The following NEO1 variants were observed in gnomAD, a reference collection of about 807,000 sequenced individuals.
NEO1 encodes the protein neogenin.
A neutral mutation model predicts 159.7 loss-of-function variants in NEO1; 63 were observed. The observed-to-expected ratio is 0.39, with a 90% CI of 0.32 to 0.49. The LOEUF (loss-of-function observed/expected upper bound fraction) is 0.49. NEO1 is among the 20% of genes least tolerant of loss of function. The probability of loss-of-function intolerance (pLI) is 0.85; values close to 1 mark genes in which losing one functional copy is unlikely to be tolerated. For synonymous variants in NEO1, 633 were observed against 662.0 expected, an observed-to-expected ratio of 0.96 and a Z score of 0.67; for missense variants, 1,615 against 1,831.0, an observed-to-expected ratio of 0.88 and a Z score of 2.15.
At chr15:73,194,278 A>G (rs1334595636) in intron 7 of NEO1, among the ~76,000 whole-genome samples, 3 of 152,180 alleles carry the variant, frequency 2.0e-5, no homozygotes, top group Admixed American at 6.6e-5. Flanking sequence ...GTTTATGGCA[A>G]TGGAGAGAGA....
chr15:73,281,227 A>G (rs1223035931), intron 22 of NEO1, among the ~76,000 whole-genome samples: 1 of 128,332 alleles, frequency 7.8e-6, no homozygotes, highest in Non-Finnish European at 1.6e-5. Context: ...ACATAAATTT[A>G]TAAGCCAGGT....
chr15:73,293,323 T>TA (rs2060507794), intron 25 of NEO1, 67 bp from the exon 26 acceptor site: 3 of 1,592,534 alleles, frequency 1.9e-6, no homozygotes, highest in Non-Finnish European at 1.7e-6. Flanking sequence ...ACTTTGCTCT[T>TA]AAACTGTGAT....
At chr15:73,284,974 C>T (rs2041886600) in intron 23 of NEO1, among the ~76,000 whole-genome samples, 1 of 151,974 alleles carries the variant, frequency 6.6e-6, no homozygotes, top group African/African-American at 2.4e-5. Context: ...TTCTTCAAGC[C>T]TCTTTATTTG....
At chr15:73,102,534 G>C (rs2070457877) in intron 1 of NEO1, among the ~76,000 whole-genome samples, 1 of 152,170 alleles carries the variant, frequency 6.6e-6, no homozygotes, top group Non-Finnish European at 1.5e-5. Context: ...GATCATCAGT[G>C]ACTTTCTCAA....
chr15:73,207,968 C>G (rs911868403), intron 7 of NEO1, among the ~76,000 whole-genome samples: 1 of 152,070 alleles, frequency 6.6e-6, no homozygotes, highest in African/African-American at 2.4e-5. Context: ...ATTATACTTA[C>G]GTCAATAAAG....
At chr15:73,287,601 G>T (rs2041995603) in intron 23 of NEO1, among the ~76,000 whole-genome samples, 1 of 152,210 alleles carries the variant, frequency 6.6e-6, no homozygotes, top group South Asian at 2.1e-4. Flanking sequence ...AGTTGTTCCG[G>T]CCAGGTACAG....
At chr15:73,089,161 A>G (rs2069536660) in intron 1 of NEO1, among the ~76,000 whole-genome samples, 1 of 152,164 alleles carries the variant, frequency 6.6e-6, no homozygotes, top group African/African-American at 2.4e-5. Flanking sequence ...AGTGAACACT[A>G]GATTTTTATG....
At chr15:73,064,026 A>G (rs1434434181) in intron 1 of NEO1, among the ~76,000 whole-genome samples, 1 of 152,194 alleles carries the variant, frequency 6.6e-6, no homozygotes, top group Non-Finnish European at 1.5e-5. Context: ...AGTTCTAAGG[A>G]GTTAGCGTTT....
intron 7 of NEO1, among the ~76,000 whole-genome samples, chr15:73,188,994 G>A (rs1178370187): frequency 1.3e-5 from 2 of 152,092 alleles, no homozygotes; most frequent in African/African-American, 4.8e-5. Flanking sequence ...AGGTACTAAA[G>A]AGGCTGAGAT....
chr15:73,146,423 C>T (rs1027467802), intron 5 of NEO1, among the ~76,000 whole-genome samples: 1 of 152,162 alleles, frequency 6.6e-6, no homozygotes, highest in Non-Finnish European at 1.5e-5. Context: ...TTCAGAATTT[C>T]ACTTTATAAA....
At chr15:73,189,438 G>A (rs1005164923) in intron 7 of NEO1, among the ~76,000 whole-genome samples, 5 of 152,204 alleles carry the variant, frequency 3.3e-5, no homozygotes, top group African/African-American at 1.2e-4. Flanking sequence ...GCTTGTTGAA[G>A]GATCCACTGT....
At chr15:73,265,621 G>A (rs1391195022) in intron 15 of NEO1, among the ~76,000 whole-genome samples, 1 of 152,158 alleles carries the variant, frequency 6.6e-6, no homozygotes, top group Non-Finnish European at 1.5e-5. Context: ...CTACTGTGTT[G>A]CCCAAAGCAC....
At chr15:73,279,350 G>GTTTTTTTT (rs1567679061) in intron 22 of NEO1, among the ~76,000 whole-genome samples, 7 of 58,140 alleles carry the variant, frequency 1.2e-4, no homozygotes, top group Non-Finnish European at 2.2e-4. Flanking sequence ...TTTTGGTTTT[G>GTTTTTTTT]GTTTTTTTTT....
chr15:73,226,029 G>T (rs991624220), intron 7 of NEO1, among the ~76,000 whole-genome samples: 5 of 152,110 alleles, frequency 3.3e-5, no homozygotes, highest in Non-Finnish European at 5.9e-5. Context: ...TCCAGGTAAG[G>T]TCGGAAACTT....
chr15:73,274,735 A>T lies in NEO1; in HGVS notation c.3193+11A>T, dbSNP rs767843430. ...TGCCTAATGATCAAGGTAAATGAGT[A>T]GATGGCCTCTCTTTTCTTTCCTTTC... On this transcript the variant is annotated intron_variant, in intron 21 of 28. Coordinates refer to ENST00000261908, the MANE Select transcript of NEO1 (RefSeq NM_002499.4). 20 of 1,610,590 alleles carry T rather than the reference A, an allele frequency of 1.2e-5. No individual in the cohort carries two copies. Among genetic ancestry groups the T allele is most frequent in the Non-Finnish European group, 1.7e-5 (20 of 1,178,362 alleles).
intron 7 of NEO1, among the ~76,000 whole-genome samples, chr15:73,231,273 T>C (rs2038893994): frequency 2.0e-5 from 3 of 152,094 alleles, no homozygotes; most frequent in Admixed American, 2.0e-4. Context: ...CAGGCACACA[T>C]GGAACAACCT....
chr15:73,136,732 A>G (rs139234439), intron 5 of NEO1, among the ~76,000 whole-genome samples: 8 of 152,194 alleles, frequency 5.3e-5, no homozygotes, highest in African/African-American at 9.6e-5. Flanking sequence ...TGGCATGACT[A>G]CATAGTCTTG....
intron 7 of NEO1, among the ~76,000 whole-genome samples, chr15:73,231,688 C>T (rs1001671832): frequency 6.6e-6 from 1 of 152,176 alleles, no homozygotes; most frequent in Non-Finnish European, 1.5e-5. Context: ...TGCCACTGCA[C>T]TCCAGCCTGG....
chr15:73,118,599 C>T (rs2071454181), intron 2 of NEO1, among the ~76,000 whole-genome samples: 1 of 152,134 alleles, frequency 6.6e-6, no homozygotes, highest in African/African-American at 2.4e-5. Context: ...TTCTTCTCCT[C>T]TGCTAAGTTT....
Sources: gnomAD v4.1 joint callset for allele counts (sites outside exome capture counted in the v4.1 genomes callset) on GRCh38, gnomAD v4.1.1 for gene constraint, MANE v1.5 for transcripts, NCBI Gene and HGNC (gene_info 2026-07-23, HGNC 2026-07-21) for gene names.